The following FOXP1 variants were observed in gnomAD, a reference collection of about 807,000 sequenced individuals.
FOXP1 encodes forkhead box protein P1.
FOXP1 carries 15 observed loss-of-function variants against 98.2 expected under a neutral mutation model. The observed-to-expected ratio is 0.15, with a 90% CI of 0.10 to 0.24. The LOEUF is 0.24. Ranked by LOEUF, FOXP1 falls within the 10% of genes least tolerant of loss-of-function variation. The pLI is 1.00. For missense variants in FOXP1, 633 were observed against 848.5 expected, an observed-to-expected ratio of 0.75 and a Z score of 3.15; for synonymous variants, 371 against 314.5, an observed-to-expected ratio of 1.18 and a Z score of -1.90.
Position 71,197,844 on chromosome 3 carries a change from G to A in FOXP1, c.180+358C>T, listed in dbSNP as rs1451540905. On this transcript the variant is annotated intron_variant, in intron 6 of 20. Coordinates refer to ENST00000649528, the MANE Select transcript of FOXP1 (RefSeq NM_001349338.3). ...CTTCACAGGCTTAAGCCTGTTTTTC[G>A]TTTAATTTTTATTTTTGCATGAAAG... The A allele has an allele frequency of 3.1e-6, 5 of 1,598,902 alleles. No individual in the cohort carries two copies. The East Asian group carries it at 6.7e-5, about 21-fold the overall frequency.
intron 2 of FOXP1, among the ~76,000 whole-genome samples, chr3:71,515,530 T>C (rs2042518930): frequency 6.6e-6 from 1 of 151,870 alleles, no homozygotes; most frequent in Non-Finnish European, 1.5e-5. Context: ...TTCAAGCTTT[T>C]ATTAGTTACT....
intron 3 of FOXP1, among the ~76,000 whole-genome samples, chr3:71,482,367 C>CTTTTT (rs11464442): frequency 2.6e-5 from 3 of 114,156 alleles, no homozygotes; most frequent in East Asian, 2.4e-4. Context: ...AATACATAAC[C>CTTTTT]TTTTTTTTTT....
chr3:70,999,378 A>T (rs1359912325), intron 13 of FOXP1, among the ~76,000 whole-genome samples: 2 of 152,316 alleles, frequency 1.3e-5, no homozygotes, highest in Admixed American at 6.5e-5. Context: ...CAGATCTTCC[A>T]GTTTATTCTT....
intron 3 of FOXP1, among the ~76,000 whole-genome samples, chr3:71,471,535 G>T (rs2089346037): frequency 6.6e-6 from 1 of 152,042 alleles, no homozygotes; most frequent in African/African-American, 2.4e-5. Context: ...TTCCACAAAG[G>T]ATTCAAAACA....
chr3:71,582,599 C>A, intron 1 of FOXP1: 6 of 985,462 alleles, frequency 6.1e-6, no homozygotes, highest in Non-Finnish European at 7.2e-6. Context: ...TCCCCGTCCC[C>A]CAAGCTTCAG....
chr3:71,565,987 T>G (rs2046882761), intron 2 of FOXP1, among the ~76,000 whole-genome samples: 1 of 152,156 alleles, frequency 6.6e-6, no homozygotes, highest in Non-Finnish European at 1.5e-5. Context: ...TGAACACAGA[T>G]CCATGTGTTA....
In FOXP1 at chr3:71,427,692, C is replaced by A. The variant is rs562599738; in HGVS notation, c.-168+65734G>T. On this transcript the variant is annotated intron_variant, in intron 3 of 20. Coordinates refer to ENST00000649528, the MANE Select transcript of FOXP1 (RefSeq NM_001349338.3). ...TGCTCAGGAAGGAGAATGATACAAG[C>A]GATGGACGGAAGTCACAGGATTCAG... Among the ~76,000 whole-genome samples, 3 of 152,224 alleles carry A rather than the reference C, an allele frequency of 2.0e-5. No individual in the cohort carries two copies. In the South Asian group the frequency reaches 6.2e-4, roughly 32 times the overall value.
chr3:71,550,734 TC>T (rs1209221572), intron 2 of FOXP1, among the ~76,000 whole-genome samples: 1 of 152,162 alleles, frequency 6.6e-6, no homozygotes, highest in Non-Finnish European at 1.5e-5. Context: ...TTAAGATCAG[TC>T]CATTAGACAC....
chr3:71,077,408 A>G (rs1009035673), intron 7 of FOXP1, among the ~76,000 whole-genome samples: 1 of 152,192 alleles, frequency 6.6e-6, no homozygotes, highest in African/African-American at 2.4e-5. Context: ...GGGGAAAGAC[A>G]GCTAAAGACC....
intron 4 of FOXP1, among the ~76,000 whole-genome samples, chr3:71,335,908 G>A (rs564192800): frequency 4.2e-4 from 63 of 149,040 alleles, no homozygotes; most frequent in African/African-American, 1.4e-3. Flanking sequence ...AGGAGGCTAA[G>A]GTAGGAGACT....
At position 71,134,960 on chromosome 3, in the gene FOXP1, TA is replaced by T. The variant is rs371314697; in HGVS notation, c.181-22324del. On this transcript the variant is annotated intron_variant, in intron 6 of 20. Transcript: ENST00000649528. Reference sequence around the variant, plus strand: ...ATTTCTAGACAATCCTACCTTCTTCTAAAAGTTATAATCCCCGGCCAGGCAC... The same window carrying T: ...ATTTCTAGACAATCCTACCTTCTTCTAAAGTTATAATCCCCGGCCAGGCAC... Among the ~76,000 whole-genome samples the T allele has an allele frequency of 4.4e-3, 669 of 152,182 alleles. 5 individuals are homozygous for T. The highest frequency in any genetic ancestry group is 0.016 in the African/African-American group (649 of 41,502).
intron 19 of FOXP1, chr3:70,966,268 G>C: frequency 3.4e-6 from 2 of 585,934 alleles, no homozygotes; most frequent in South Asian, 3.7e-5. Flanking sequence ...TGGGGGCCAG[G>C]GGGGACCAAG....
intron 6 of FOXP1, among the ~76,000 whole-genome samples, chr3:71,164,693 T>A (rs769604797): frequency 9.9e-5 from 15 of 152,246 alleles, no homozygotes; most frequent in Non-Finnish European, 1.8e-4. Context: ...TCTCTTCACG[T>A]GTACACATTT....
chr3:71,037,811 G>A (rs1481728237), intron 11 of FOXP1, among the ~76,000 whole-genome samples: 1 of 152,176 alleles, frequency 6.6e-6, no homozygotes, highest in Non-Finnish European at 1.5e-5. Flanking sequence ...GCTGGCATCC[G>A]CCTCACAAAT....
At chr3:71,024,243 A>G (rs781378848) in intron 11 of FOXP1, among the ~76,000 whole-genome samples, 3 of 152,154 alleles carry the variant, frequency 2.0e-5, no homozygotes, top group African/African-American at 2.4e-5. Context: ...TGTAAAAATG[A>G]CCTTTCTCCT....
intron 11 of FOXP1, among the ~76,000 whole-genome samples, chr3:71,030,977 A>G (rs1297157264): frequency 6.6e-6 from 1 of 152,236 alleles, no homozygotes; most frequent in Non-Finnish European, 1.5e-5. Context: ...AGTCACAGAC[A>G]TAGATATCCG....
chr3:71,046,745 A>G (rs1361917652), intron 10 of FOXP1, among the ~76,000 whole-genome samples, 197 bp downstream of exon 10: 1 of 152,154 alleles, frequency 6.6e-6, no homozygotes, highest in Non-Finnish European at 1.5e-5. Context: ...CCTTCAGACC[A>G]CCCTGAGACT....
At chr3:71,480,771 C>G (rs1354196819) in intron 3 of FOXP1, among the ~76,000 whole-genome samples, 1 of 152,110 alleles carries the variant, frequency 6.6e-6, no homozygotes, top group Admixed American at 6.5e-5. Context: ...CCCAAGGTAC[C>G]AAACCAGAGT....
At chr3:71,275,736 C>A (rs377010363) in intron 5 of FOXP1, among the ~76,000 whole-genome samples, 34 of 152,312 alleles carry the variant, frequency 2.2e-4, no homozygotes, top group African/African-American at 7.7e-4. Flanking sequence ...GGCTTCTGGG[C>A]ATGCGCCGTA....
Sources: allele counts gnomAD v4.1 joint callset (sites outside exome capture counted in the v4.1 genomes callset), GRCh38; gene constraint gnomAD v4.1.1; transcripts MANE v1.5; gene names NCBI Gene and HGNC (gene_info 2026-07-23, HGNC 2026-07-21).